INCENP: variants seen among roughly 807,000 people sequenced by gnomAD.
INCENP encodes the protein binds and activates aurora-B and -C in vivo and in vitro.
In INCENP, 43 loss-of-function variants were observed where a neutral mutation model predicts 107.3. The ratio of observed to expected loss-of-function variants is 0.40; its 90% CI spans 0.31 to 0.52. The LOEUF (loss-of-function observed/expected upper bound fraction) is 0.52. INCENP is among the 20% of genes least tolerant of loss of function. The pLI, the probability that INCENP is intolerant of heterozygous loss-of-function variation, is 0.53. For missense variants in INCENP, 1,089 were observed against 1,250.9 expected (o/e 0.87, Z 1.95); for synonymous variants, 488 against 494.4 (o/e 0.99, Z 0.17).
chr11:62,136,159 A>T (rs1943989699), intron 4 of INCENP, among the ~76,000 whole-genome samples: 1 of 152,202 alleles, frequency 6.6e-6, no homozygotes, highest in Non-Finnish European at 1.5e-5. Context: ...GATTCACTTC[A>T]TTGACTTGTG....
intron 4 of INCENP, among the ~76,000 whole-genome samples, chr11:62,130,993 C>T (rs1300667439): frequency 6.6e-6 from 1 of 152,178 alleles, no homozygotes; most frequent in Non-Finnish European, 1.5e-5. Flanking sequence ...GGGCCTCTTC[C>T]GCAGGGCCAG....
At chr11:62,137,339 C>T (rs576157312) in intron 4 of INCENP, among the ~76,000 whole-genome samples, 2 of 152,324 alleles carry the variant, frequency 1.3e-5, no homozygotes, top group Admixed American at 1.3e-4. Flanking sequence ...TCTGTTCCAC[C>T]ATTGCCCATG....
At chr11:62,127,657 T>G (rs370736362) in intron 1 of INCENP, among the ~76,000 whole-genome samples, 4 of 152,130 alleles carry the variant, frequency 2.6e-5, no homozygotes, top group African/African-American at 7.2e-5. Flanking sequence ...ATGTCTGGAG[T>G]CAGCTTGTAT....
Position 62,128,902 on chromosome 11 carries a change from G to A in INCENP, c.254+19G>A. On this transcript the variant is annotated intron_variant, in intron 3 of 18. Transcript: ENST00000394818. ...GGAGAAGGTAGGAGGGGTTGGGGGA[G>A]AGTGAGCTGAGCAGTGGGCTCTGCG... 1 of 1,514,094 alleles carries A rather than the reference G, an allele frequency of 6.6e-7. No homozygotes were observed. The highest frequency in any genetic ancestry group is 9.2e-7 in the Non-Finnish European group (1 of 1,089,262). 93.8% of individuals were successfully genotyped at this position (1,514,094 alleles called of 1,614,324 possible). A position where few individuals can be genotyped will look rare whatever the true frequency, so the allele number is the denominator to read the frequency against.
intron 1 of INCENP, among the ~76,000 whole-genome samples, chr11:62,124,988 C>T (rs1041420765): frequency 1.3e-5 from 2 of 152,326 alleles, no homozygotes; most frequent in East Asian, 1.9e-4. Flanking sequence ...CTTACAGCAC[C>T]CTGAAAAGGA....
intron 4 of INCENP, 149 bp downstream of exon 4, chr11:62,130,739 C>T (rs1943876645): frequency 5.9e-6 from 4 of 683,322 alleles, no homozygotes; most frequent in Non-Finnish European, 7.4e-6. Flanking sequence ...GGATGGTGGC[C>T]GCTAGCTGGC....
At position 62,143,752 on chromosome 11, in the gene INCENP, A is replaced by G. The variant is rs778043541; in HGVS notation, c.1606-1230A>G. ...TAGTAACCAGTACAGGAAGAGGGGG[A>G]AGCTATTGGACACTGTGCCTAAAGG... On this transcript the variant is annotated intron_variant, in intron 11 of 18. Transcript: ENST00000394818. 1.9e-4 allele frequency among the ~76,000 whole-genome samples: 29 copies of G among 152,148 alleles called. 1 individual carries two copies. The highest frequency in any genetic ancestry group is 1.2e-4 in the Non-Finnish European group (8 of 68,016).
chr11:62,145,825 G>A, intron 14 of INCENP, 74 bp downstream of exon 14: 1 of 1,479,114 alleles, frequency 6.8e-7, no homozygotes, highest in Non-Finnish European at 9.1e-7. Flanking sequence ...GGCCCTACTG[G>A]GTGCACCCCA....
chr11:62,148,474 A>G lies in INCENP; in HGVS notation c.2205-2A>G. On this transcript the variant is annotated splice_acceptor_variant, in intron 15 of 18. Coordinates refer to ENST00000394818, the MANE Select transcript of INCENP (RefSeq NM_001040694.2). LOFTEE classifies it high-confidence loss of function. ...CCTAACAGGCTCTTGCTGGGTCCTC[A>G]GGGAGCTGCAGGAGCGGGAGAAGGC... 1 of 1,599,594 alleles carries G rather than the reference A, an allele frequency of 6.3e-7. No individual in the cohort carries two copies. Among genetic ancestry groups the G allele is most frequent in the Non-Finnish European group, 8.5e-7 (1 of 1,174,454 alleles).
chr11:62,128,050 TTTGTGGTGG>T, intron 1 of INCENP, 92 bp from the exon 2 acceptor site: 1 of 1,189,824 alleles, frequency 8.4e-7, no homozygotes, highest in Non-Finnish European at 1.2e-6. Context: ...GCACTGGGTG[TTTGTGGTGG>T]TTGTGGGTCA....
In INCENP at chr11:62,130,470, C is replaced by A. The variant is rs1484819298; in HGVS notation, c.943C>A (p.Pro315Thr). 5 of 1,614,136 alleles carry A rather than the reference C, an allele frequency of 3.1e-6. No homozygotes were observed. The highest frequency in any genetic ancestry group is 3.3e-5 in the Admixed American group (2 of 60,034). The change falls in exon 4 of 19, where the codon CCC (proline) becomes ACC (threonine). Residue 315 changes from proline (P) to threonine (T), a missense_variant. By Grantham distance (38) the Pro-to-Thr change is conservative. Transcript: ENST00000394818. ...CCCGATCGCCCCGTCTTCCCCGAGTCCCCAAGTCTTAGCCCAGAAGTACTC... is the reference window on the plus strand; with the variant it reads ...CCCGATCGCCCCGTCTTCCCCGAGTACCCAAGTCTTAGCCCAGAAGTACTC... ...HSPIAPSSPS[P>T]QVLAQKYSLV...
chr11:62,126,496 A>G (rs7952545), intron 1 of INCENP, among the ~76,000 whole-genome samples: 85,923 of 151,940 alleles, frequency 0.57, 25,785 homozygotes, highest in Non-Finnish European at 0.67. Flanking sequence ...GTGCCCGGCC[A>G]GTTCTTGGTT....
chr11:62,143,932 C>T (rs1292403299), intron 11 of INCENP, among the ~76,000 whole-genome samples: 1 of 152,254 alleles, frequency 6.6e-6, no homozygotes, highest in Non-Finnish European at 1.5e-5. Context: ...GCTGGCTGCC[C>T]ATTGCTGTGG....
At chr11:62,139,026 G>A (rs1455759892) in intron 7 of INCENP, 21 bp downstream of exon 7, 13 of 1,550,394 alleles carry the variant, frequency 8.4e-6, no homozygotes, top group Admixed American at 5.0e-5. Flanking sequence ...CTGACCTGCC[G>A]TGTGCAGTGC....
At chr11:62,127,737 C>T (rs751538680) in intron 1 of INCENP, among the ~76,000 whole-genome samples, 2 of 152,138 alleles carry the variant, frequency 1.3e-5, no homozygotes, top group African/African-American at 2.4e-5. Context: ...TACTGGAGAG[C>T]GAGAGCAGGA....
chr11:62,127,309 C>T (rs969994445), intron 1 of INCENP, among the ~76,000 whole-genome samples: 6 of 152,136 alleles, frequency 3.9e-5, no homozygotes, highest in South Asian at 2.1e-4. Context: ...GCTGGGATTA[C>T]GGGTGTGAAC....
chr11:62,147,851 G>A (rs1352906823), intron 15 of INCENP, among the ~76,000 whole-genome samples: 1 of 152,142 alleles, frequency 6.6e-6, no homozygotes, highest in Non-Finnish European at 1.5e-5. Context: ...GGCAGAGCAG[G>A]GGGCTTTGAG....
chr11:62,134,061 A>G (rs1245930405), intron 4 of INCENP, among the ~76,000 whole-genome samples: 1 of 152,016 alleles, frequency 6.6e-6, no homozygotes, highest in Non-Finnish European at 1.5e-5. Context: ...TTCTCCCTAG[A>G]CCAGTGGCAC....
Position 62,145,712 on chromosome 11 carries a change from G to A in INCENP, c.1920G>A (p.Lys640=), listed in dbSNP as rs1429345662. 2 of 1,558,852 alleles carry A rather than the reference G, an allele frequency of 1.3e-6. No individual in the cohort carries two copies. The highest frequency in any genetic ancestry group is 1.7e-6 in the Non-Finnish European group (2 of 1,151,338). ...KKMEEVEARR[K]QEEEARRLRW... ...TGGAGGAGGTGGAAGCACGCAGGAA[G>A]CAGGAAGAGGAGGCACGTAGGCTCA... Residue 640 remains lysine, a synonymous_variant, in exon 14 of 19, where the codon AAG becomes AAA. Coordinates refer to ENST00000394818, the MANE Select transcript of INCENP (RefSeq NM_001040694.2).
Sources: allele counts gnomAD v4.1 joint callset (sites outside exome capture counted in the v4.1 genomes callset), GRCh38; gene constraint gnomAD v4.1.1; transcripts MANE v1.5; gene names NCBI Gene and HGNC (gene_info 2026-07-23, HGNC 2026-07-21).